The following SH3KBP1 variants were observed in gnomAD, a reference collection of about 807,000 sequenced individuals.
SH3KBP1 encodes the protein SH3 domain-containing kinase-binding protein 1.
In SH3KBP1, 8 loss-of-function variants were observed where a neutral mutation model predicts 50.1. The ratio of observed to expected loss-of-function variants is 0.16; its 90% CI spans 0.09 to 0.29. The LOEUF (loss-of-function observed/expected upper bound fraction) is 0.29. Among genes scored for constraint, SH3KBP1 ranks in the 10% least tolerant of loss-of-function variants. The pLI is 1.00. For missense variants in SH3KBP1, 377 were observed against 535.2 expected, an observed-to-expected ratio of 0.70 and a Z score of 2.92; for synonymous variants, 227 against 218.6, an observed-to-expected ratio of 1.04 and a Z score of -0.34.
chrX:19,760,041 CCTCTCTCTCTCT>C (rs745515349), intron 2 of SH3KBP1, among the ~76,000 whole-genome samples: 29 of 50,453 alleles, frequency 5.7e-4, no homozygotes, highest in East Asian at 2.1e-3. Context: ...TCTCTCTCTC[CCTCTCTCTCTCT>C]CTCTCTCTCT....
chrX:19,836,832 A>G (rs1022117988), intron 1 of SH3KBP1, among the ~76,000 whole-genome samples: 1 of 111,931 alleles, frequency 8.9e-6, no homozygotes, highest in Non-Finnish European at 1.9e-5. Flanking sequence ...TAATTGAACT[A>G]TGAGGGCAGT....
At chrX:19,857,708 C>G (rs1310838977) in intron 1 of SH3KBP1, among the ~76,000 whole-genome samples, 1 of 110,634 alleles carries the variant, frequency 9.0e-6, no homozygotes, top group Non-Finnish European at 1.9e-5. Context: ...GACGACAGAG[C>G]AAGATTCTGT....
chrX:19,757,456 T>G (rs755762281), intron 2 of SH3KBP1, among the ~76,000 whole-genome samples: 1 of 109,739 alleles, frequency 9.1e-6, no homozygotes, highest in African/African-American at 3.3e-5. Flanking sequence ...CAGACACAAA[T>G]GCATATCTGA....
chrX:19,672,589 T>A (rs752068431), intron 6 of SH3KBP1, among the ~76,000 whole-genome samples: 3 of 112,075 alleles, frequency 2.7e-5, no homozygotes, highest in Non-Finnish European at 5.6e-5. Flanking sequence ...TTTAAGGACA[T>A]TCTACAAAAC....
chrX:19,638,253 A>G (rs2061761649), intron 7 of SH3KBP1, among the ~76,000 whole-genome samples: 1 of 109,805 alleles, frequency 9.1e-6, no homozygotes, highest in Non-Finnish European at 1.9e-5. Flanking sequence ...CACTAAAAAT[A>G]CAAAAAATTA....
At chrX:19,716,541 A>C (rs1357828642) in intron 3 of SH3KBP1, among the ~76,000 whole-genome samples, 1 of 112,161 alleles carries the variant, frequency 8.9e-6, no homozygotes, top group African/African-American at 3.2e-5. Context: ...ATATAAGAGA[A>C]AATGTAGAAC....
At chrX:19,712,063 G>A (rs887599632) in intron 3 of SH3KBP1, among the ~76,000 whole-genome samples, 1 of 112,105 alleles carries the variant, frequency 8.9e-6, no homozygotes, top group African/African-American at 3.2e-5. Context: ...TCTCCCCTTG[G>A]AAGACTCTAA....
chrX:19,695,875 G>A, intron 4 of SH3KBP1, 134 bp from the exon 5 acceptor site: 2 of 531,612 alleles, frequency 3.8e-6, no homozygotes, highest in Admixed American at 3.7e-5. Flanking sequence ...AAAGTTAACA[G>A]GGAACAAGAA....
chrX:19,846,524 C>T (rs1171805395), intron 1 of SH3KBP1, among the ~76,000 whole-genome samples: 1 of 111,170 alleles, frequency 9.0e-6, no homozygotes, highest in African/African-American at 3.3e-5. Context: ...ATAATGATAG[C>T]CTAGTTCTCA....
chrX:19,733,205 T>C lies in SH3KBP1; in HGVS notation c.286+13113A>G, dbSNP rs187315335. Among the ~76,000 whole-genome samples, 523 of 111,630 alleles carry C rather than the reference T, an allele frequency of 4.7e-3. 1 individual carries two copies. Among genetic ancestry groups the C allele is most frequent in the Non-Finnish European group, 7.9e-3 (417 of 53,085 alleles). On this transcript the variant is annotated intron_variant, in intron 3 of 17. Transcript: ENST00000397821. ...TAATTCTTCTAAAAGTGACTTATAA[T>C]TTGAATGAAATTAAAATTTTAACTT...
At chrX:19,607,706 C>T (rs898115441) in intron 9 of SH3KBP1, among the ~76,000 whole-genome samples, 2 of 112,111 alleles carry the variant, frequency 1.8e-5, no homozygotes, top group African/African-American at 6.5e-5. Flanking sequence ...GCTTTACACA[C>T]ACTATCTTGT....
chrX:19,874,834 C>T (rs937619894), intron 1 of SH3KBP1, among the ~76,000 whole-genome samples: 3 of 99,026 alleles, frequency 3.0e-5, no homozygotes, highest in East Asian at 3.2e-4. Flanking sequence ...GAGAGAGATG[C>T]GGGGACAAAG....
At chrX:19,685,257 T>C (rs908038253) in intron 5 of SH3KBP1, among the ~76,000 whole-genome samples, 2 of 112,282 alleles carry the variant, frequency 1.8e-5, no homozygotes, top group African/African-American at 6.5e-5. Flanking sequence ...ACATAAAATC[T>C]CATAAAATGT....
intron 5 of SH3KBP1, among the ~76,000 whole-genome samples, chrX:19,694,530 A>G (rs2063369285): frequency 9.1e-6 from 1 of 109,806 alleles, no homozygotes; most frequent in Admixed American, 9.7e-5. Context: ...GTTCAGGGGT[A>G]GTAGGGTCCC....
intron 2 of SH3KBP1, among the ~76,000 whole-genome samples, chrX:19,798,078 G>GTTTATT (rs1187949930): frequency 3.6e-5 from 4 of 110,644 alleles, no homozygotes; most frequent in Admixed American, 9.6e-5. Context: ...TTCAATCAAG[G>GTTTATT]TTTATTTTTA....
chrX:19,829,747 A>G (rs1334309977), intron 2 of SH3KBP1, among the ~76,000 whole-genome samples: 1 of 109,475 alleles, frequency 9.1e-6, no homozygotes, highest in African/African-American at 3.3e-5. Flanking sequence ...GAAGAAGAAG[A>G]AAGTAAAGGA....
chrX:19,875,580 T>C (rs969082530), intron 1 of SH3KBP1, among the ~76,000 whole-genome samples: 1 of 112,413 alleles, frequency 8.9e-6, no homozygotes, highest in Admixed American at 9.3e-5. Context: ...ATTTGGGTCC[T>C]CCATGCGCCC....
At chrX:19,578,978 C>A (rs1477785641) in intron 12 of SH3KBP1, among the ~76,000 whole-genome samples, 1 of 111,465 alleles carries the variant, frequency 9.0e-6, no homozygotes, top group Non-Finnish European at 1.9e-5. Flanking sequence ...CCAAAAATGT[C>A]CCAGGAATCA....
At chrX:19,545,855 G>C in intron 15 of SH3KBP1, 67 bp downstream of exon 15, 1 of 1,143,742 alleles carries the variant, frequency 8.7e-7, no homozygotes, top group Non-Finnish European at 1.2e-6. Context: ...TCTTTGTTTG[G>C]TTTATAACCC....
Sources: allele counts gnomAD v4.1 joint callset (sites outside exome capture counted in the v4.1 genomes callset), GRCh38; gene constraint gnomAD v4.1.1; transcripts MANE v1.5; gene names NCBI Gene and HGNC (gene_info 2026-07-23, HGNC 2026-07-21).